TCN2: variants seen among roughly 807,000 people sequenced by gnomAD.
The protein encoded by TCN2 is transcobalamin-2.
A neutral mutation model predicts 48.6 loss-of-function variants in TCN2; 34 were observed. The ratio of observed to expected loss-of-function variants is 0.70; its 90% confidence interval spans 0.53 to 0.93. TCN2 has a LOEUF of 0.93. Among genes scored for constraint, TCN2 ranks in the 40% least tolerant of loss-of-function variants. TCN2 has a pLI of 0.00. For missense variants in TCN2, 652 were observed against 526.1 expected (o/e 1.24, Z -2.34); for synonymous variants, 283 against 212.5 (o/e 1.33, Z -2.89).
At chr22:30,615,264 T>C (rs1297921179) in intron 4 of TCN2, 37 bp from the exon 5 acceptor site, 3 of 1,613,572 alleles carry the variant, frequency 1.9e-6, no homozygotes, top group South Asian at 1.1e-5. Context: ...CCCCTTTGGC[T>C]CTCCAGCTCA....
At chr22:30,622,394 G>A (rs1029931844) in intron 7 of TCN2, among the ~76,000 whole-genome samples, 3 of 152,178 alleles carry the variant, frequency 2.0e-5, no homozygotes, top group Non-Finnish European at 4.4e-5. Context: ...TGTGAGTTGA[G>A]GAGTCTCTTG....
chr22:30,608,559 T>C (rs2087486907), intron 1 of TCN2, among the ~76,000 whole-genome samples: 1 of 152,088 alleles, frequency 6.6e-6, no homozygotes, highest in South Asian at 2.1e-4. Context: ...TGGCTAATTT[T>C]TGTATTTTTT....
At chr22:30,616,364 C>T (rs2087612834) in intron 6 of TCN2, among the ~76,000 whole-genome samples, 1 of 151,642 alleles carries the variant, frequency 6.6e-6, no homozygotes. Flanking sequence ...GTGCCTGTAA[C>T]CCCAGCTAAG....
chr22:30,614,654 G>C (rs10427979), intron 4 of TCN2, among the ~76,000 whole-genome samples, 153 bp downstream of exon 4: 1 of 152,220 alleles, frequency 6.6e-6, no homozygotes, highest in Non-Finnish European at 1.5e-5. Flanking sequence ...GGGCTCATGG[G>C]TGATGCTTCA....
intron 8 of TCN2, 85 bp from the exon 9 acceptor site, chr22:30,626,375 C>T (rs1379347998): frequency 1.4e-6 from 2 of 1,444,054 alleles, no homozygotes; most frequent in Admixed American, 1.8e-5. Context: ...AGACTCTAGC[C>T]TCAGGGTGGG....
At chr22:30,610,241 C>T (rs1479635778) in intron 1 of TCN2, 2 of 471,140 alleles carry the variant, frequency 4.2e-6, no homozygotes, top group African/African-American at 2.0e-5. Context: ...ACAGAGATGG[C>T]AGGAAAGGCG....
rs1387442810 is a variant in TCN2 at position 30,612,872 on chromosome 22, G to T, written c.258-1G>T. On this transcript the variant is annotated splice_acceptor_variant, in intron 2 of 8. Coordinates refer to ENST00000215838, the MANE Select transcript of TCN2 (RefSeq NM_000355.4). LOFTEE classifies it high-confidence loss of function. Reference sequence around the variant, plus strand: ...AAAGGCATTAACTGGCCTTGTCCTAGGTCTGCCTTCAGCGAGGATGACGGT... The same window carrying T: ...AAAGGCATTAACTGGCCTTGTCCTATGTCTGCCTTCAGCGAGGATGACGGT... The T allele has an allele frequency of 6.2e-7, 1 of 1,613,408 alleles. No homozygotes were observed. The highest frequency in any genetic ancestry group is 1.7e-5 in the Admixed American group (1 of 60,022).
intron 7 of TCN2, among the ~76,000 whole-genome samples, chr22:30,619,392 TTTA>T (rs1251605375): frequency 6.6e-6 from 1 of 152,240 alleles, no homozygotes; most frequent in African/African-American, 2.4e-5. Flanking sequence ...AATAAGAACT[TTTA>T]TTATGAAATA....
intron 3 of TCN2, among the ~76,000 whole-genome samples, chr22:30,613,334 C>T (rs890319761): frequency 1.2e-4 from 19 of 152,084 alleles, no homozygotes; most frequent in African/African-American, 4.6e-4. Context: ...GGCTGGAGTA[C>T]AATGGCGCAA....
Position 30,614,391 on chromosome 22 carries a change from A to G in TCN2, c.470A>G (p.Tyr157Cys), listed in dbSNP as rs1470199585. Residue 157 changes from tyrosine to cysteine, a missense_variant, in exon 4 of 9, where the codon TAT becomes TGT. Physicochemically the swap from Tyr to Cys is radical, Grantham distance 194. Coordinates refer to ENST00000215838, the MANE Select transcript of TCN2 (RefSeq NM_000355.4). ...CACCCCCACACTAGCTACTACCAGTATGGCCTGGGCATTCTGGCCCTGTGT... is the reference window on the plus strand; with the variant it reads ...CACCCCCACACTAGCTACTACCAGTGTGGCCTGGGCATTCTGGCCCTGTGT... ...KGHPHTSYYQ[Y>C]GLGILALCLH... 6.2e-7 allele frequency: 1 copy of G among 1,614,148 alleles called. No homozygotes were observed. Among genetic ancestry groups the G allele is most frequent in the Admixed American group, 1.7e-5 (1 of 60,014 alleles).
rs765991853 is a variant in TCN2 at position 30,611,079 on chromosome 22, CTTTTTCCATGTCTTGCTCCACATACT to C, written c.257+17_257+42del. The C allele has an allele frequency of 2.5e-6, 4 of 1,613,906 alleles. No individual in the cohort carries two copies. Among genetic ancestry groups the C allele is most frequent in the Non-Finnish European group, 3.4e-6 (4 of 1,179,894 alleles). ...GCCTCCTAGGGTATTGCCACACTCT[CTTTTTCCATGTCTTGCTCCACATACT>C]AAGAGATGGGAAACTTGGGTACTAG... On this transcript the variant is annotated intron_variant, in intron 2 of 8. Coordinates refer to ENST00000215838, the MANE Select transcript of TCN2 (RefSeq NM_000355.4).
At chr22:30,622,837 G>T in intron 7 of TCN2, 131 bp from the exon 8 acceptor site, 1 of 889,252 alleles carries the variant, frequency 1.1e-6, no homozygotes, top group East Asian at 2.6e-5. Flanking sequence ...TGGCCAGGTG[G>T]CCTGGGAAGG....
rs1289399714 is a variant in TCN2, at chr22:30,623,839, C to CACACATACAT, written c.1222+772_1222+781dup. ...ACACACACATACACACACATATACA[C>CACACATACAT]ACACATACATACACATACATACACA... On this transcript the variant is annotated intron_variant, in intron 8 of 8. Transcript: ENST00000215838. 7.7e-5 allele frequency among the ~76,000 whole-genome samples: 6 copies of CACACATACAT among 77,638 alleles called. 1 individual carries two copies. The highest frequency in any genetic ancestry group is 1.3e-4 in the Non-Finnish European group (6 of 46,490). 50.9% of individuals were successfully genotyped at this position (77,638 alleles called of 152,430 possible).
rs538450432 is a variant in TCN2 at position 30,612,574 on chromosome 22, A to C, written c.258-299A>C. 1.4e-3 allele frequency among the ~76,000 whole-genome samples: 206 copies of C among 152,246 alleles called. 4 individuals are homozygous for C. The highest frequency in any genetic ancestry group is 4.0e-3 in the African/African-American group (166 of 41,546). ...TCAAAGAAAATAAATAAATAAAATAAAAAAATAAAAAAGGAGGGGGCATAT... is the reference window on the plus strand; with the variant it reads ...TCAAAGAAAATAAATAAATAAAATACAAAAATAAAAAAGGAGGGGGCATAT... On this transcript the variant is annotated intron_variant, in intron 2 of 8. Coordinates refer to ENST00000215838, the MANE Select transcript of TCN2 (RefSeq NM_000355.4).
chr22:30,621,107 C>G (rs2087691358), intron 7 of TCN2, among the ~76,000 whole-genome samples: 1 of 152,086 alleles, frequency 6.6e-6, no homozygotes, highest in Non-Finnish European at 1.5e-5. Context: ...ATTCTCCTGC[C>G]TCAGCCTCCT....
intron 8 of TCN2, among the ~76,000 whole-genome samples, chr22:30,626,127 G>GC (rs1198592391): frequency 6.6e-6 from 1 of 152,172 alleles, no homozygotes; most frequent in East Asian, 1.9e-4. Context: ...GTGAGTGAAA[G>GC]CTGACTCCTG....
At chr22:30,621,489 G>C (rs2145554395) in intron 7 of TCN2, among the ~76,000 whole-genome samples, 1 of 151,648 alleles carries the variant, frequency 6.6e-6, no homozygotes, top group South Asian at 2.1e-4. Flanking sequence ...TTGTTTGCTT[G>C]GTTTTGTTTT....
rs1569046916 is a variant in TCN2, at chr22:30,623,943, C to CATGTATACATATGTAT, written c.1222+861_1222+862insTGTATACATATGTATA. Among the ~76,000 whole-genome samples the CATGTATACATATGTAT allele has an allele frequency of 1.1e-4, 12 of 105,930 alleles. 3 individuals are homozygous for CATGTATACATATGTAT. Among genetic ancestry groups the CATGTATACATATGTAT allele is most frequent in the Non-Finnish European group, 1.3e-4 (7 of 52,766 alleles). The allele number at this position is 105,930 out of a possible 152,430, so 69.5% of individuals were successfully genotyped here. ...ATATATATGTATACATATATACACACACACATATGTATACATATATACACA... is the reference window on the plus strand; with the variant it reads ...ATATATATGTATACATATATACACACATGTATACATATGTATACACATATGTATACATATATACACA... On this transcript the variant is annotated intron_variant, in intron 8 of 8. Coordinates refer to ENST00000215838, the MANE Select transcript of TCN2 (RefSeq NM_000355.4).
intron 8 of TCN2, among the ~76,000 whole-genome samples, chr22:30,623,717 C>CACACATATATGTGTATACATATATAT (rs2087735485): frequency 7.7e-6 from 1 of 129,964 alleles, no homozygotes; most frequent in Non-Finnish European, 1.6e-5. Flanking sequence ...TATATACAGA[C>CACACATATATGTGTATACATATATAT]ACACATATAT....
Sources: gnomAD v4.1 joint callset for allele counts (sites outside exome capture counted in the v4.1 genomes callset) on GRCh38, gnomAD v4.1.1 for gene constraint, MANE v1.5 for transcripts, NCBI Gene and HGNC (gene_info 2026-07-23, HGNC 2026-07-21) for gene names.